ZDHHC20: variants seen among roughly 807,000 people sequenced by gnomAD.
ZDHHC20 encodes zDHHC palmitoyltransferase 20.
Under a neutral mutation model 57.8 loss-of-function variants are expected in ZDHHC20, and 43 were observed. The ratio of observed to expected loss-of-function variants is 0.74; its 90% CI spans 0.58 to 0.96. The LOEUF (loss-of-function observed/expected upper bound fraction) is 0.96, where lower values mean the gene tolerates loss of function less well. ZDHHC20 is among the 40% of genes least tolerant of loss of function. The probability of loss-of-function intolerance (pLI) is 0.00; values close to 1 mark genes in which losing one functional copy is unlikely to be tolerated. For synonymous variants in ZDHHC20, 157 were observed against 153.0 expected (o/e 1.03, Z -0.19); for missense variants, 391 against 441.1 (o/e 0.89, Z 1.02).
intron 7 of ZDHHC20, among the ~76,000 whole-genome samples, chr13:21,395,708 G>A (rs1876671101): frequency 6.6e-6 from 1 of 151,108 alleles, no homozygotes; most frequent in Non-Finnish European, 1.5e-5. Context: ...ACCATTGTTG[G>A]CCAGAATGGT....
At chr13:21,419,827 G>C (rs1880437688) in intron 3 of ZDHHC20, among the ~76,000 whole-genome samples, 1 of 152,098 alleles carries the variant, frequency 6.6e-6, no homozygotes, top group African/African-American at 2.4e-5. Context: ...CATACTTTTT[G>C]TATATATGTT....
At chr13:21,455,647 T>C (rs1228259998) in intron 1 of ZDHHC20, among the ~76,000 whole-genome samples, 4 of 128,034 alleles carry the variant, frequency 3.1e-5, no homozygotes, top group Admixed American at 1.5e-4. Context: ...TGTGTGTGTG[T>C]GTGTGTGTGT....
chr13:21,386,279 T>C (rs937847883), intron 9 of ZDHHC20, among the ~76,000 whole-genome samples: 2 of 152,058 alleles, frequency 1.3e-5, no homozygotes, highest in African/African-American at 2.4e-5. Flanking sequence ...CTCACAGTAA[T>C]AGGGGGAAGG....
chr13:21,448,651 T>C, intron 1 of ZDHHC20, among the ~76,000 whole-genome samples: 1 of 98,554 alleles, frequency 1.0e-5, no homozygotes, highest in South Asian at 3.0e-4. Context: ...GGGGCGCCTC[T>C]GCCCGGCTGC....
chr13:21,395,346 GTA>G (rs1876592107), intron 7 of ZDHHC20, among the ~76,000 whole-genome samples: 1 of 150,506 alleles, frequency 6.6e-6, no homozygotes, highest in Non-Finnish European at 1.5e-5. Context: ...GATTACAGGT[GTA>G]AGCCACCGCG....
intron 1 of ZDHHC20, among the ~76,000 whole-genome samples, chr13:21,428,603 G>A (rs113154943): frequency 0.025 from 3,770 of 151,692 alleles, 143 homozygotes; most frequent in African/African-American, 0.082. Context: ...GCTCATGCCC[G>A]TAATCTCAGC....
chr13:21,401,618 C>T, intron 6 of ZDHHC20, 35 bp downstream of exon 6: 2 of 1,525,944 alleles, frequency 1.3e-6, no homozygotes, highest in Non-Finnish European at 1.8e-6. Flanking sequence ...TCTCTCTCAC[C>T]ACCAATGCAA....
intron 3 of ZDHHC20, among the ~76,000 whole-genome samples, chr13:21,414,544 TGTA>T (rs1469802723): frequency 1.3e-4 from 19 of 145,364 alleles, no homozygotes; most frequent in East Asian, 2.0e-4. Flanking sequence ...TTTTTTTTTT[TGTA>T]TTTTTAGTAG....
intron 4 of ZDHHC20, among the ~76,000 whole-genome samples, chr13:21,412,120 G>A (rs1879298458): frequency 6.6e-6 from 1 of 152,154 alleles, no homozygotes; most frequent in African/African-American, 2.4e-5. Flanking sequence ...CAACAGGAAG[G>A]GTGCTGCATC....
At chr13:21,381,579 C>G (rs750949886) in intron 10 of ZDHHC20, 30 bp from the exon 11 acceptor site, 1 of 1,434,116 alleles carries the variant, frequency 7.0e-7, no homozygotes, top group Non-Finnish European at 9.8e-7. Flanking sequence ...ACTTAGTAAA[C>G]AGCTTAATGC....
intron 7 of ZDHHC20, among the ~76,000 whole-genome samples, chr13:21,398,020 T>C (rs890703113): frequency 1.3e-5 from 2 of 152,200 alleles, no homozygotes; most frequent in Non-Finnish European, 2.9e-5. Flanking sequence ...ACTATTTATT[T>C]TAATCATTAC....
At chr13:21,453,241 A>G (rs931008403) in intron 1 of ZDHHC20, among the ~76,000 whole-genome samples, 1 of 152,248 alleles carries the variant, frequency 6.6e-6, no homozygotes, top group Non-Finnish European at 1.5e-5. Context: ...CATAATGTTA[A>G]GTGAGCCAAC....
chr13:21,425,352 A>C (rs114641490), intron 2 of ZDHHC20, among the ~76,000 whole-genome samples: 1 of 152,198 alleles, frequency 6.6e-6, no homozygotes, highest in South Asian at 2.1e-4. Context: ...CTAAATAAAA[A>C]GTTTTGAAGA....
chr13:21,441,549 C>CTTT (rs397851910), intron 1 of ZDHHC20, among the ~76,000 whole-genome samples: 3 of 65,342 alleles, frequency 4.6e-5, no homozygotes, highest in African/African-American at 6.8e-5. Flanking sequence ...CCACGCCCGG[C>CTTT]TTTTTTTTTT....
intron 8 of ZDHHC20, among the ~76,000 whole-genome samples, chr13:21,388,827 A>C (rs930446461): frequency 6.6e-6 from 1 of 152,182 alleles, no homozygotes; most frequent in African/African-American, 2.4e-5. Context: ...CAGAGCCATG[A>C]ATTAGCAAAG....
At chr13:21,417,136 T>C (rs906717926) in intron 3 of ZDHHC20, among the ~76,000 whole-genome samples, 3 of 152,184 alleles carry the variant, frequency 2.0e-5, no homozygotes, top group African/African-American at 4.8e-5. Context: ...GAGATACTTA[T>C]AAAGGTCTCA....
chr13:21,397,068 T>C (rs1876907528), intron 7 of ZDHHC20, among the ~76,000 whole-genome samples: 1 of 152,196 alleles, frequency 6.6e-6, no homozygotes, highest in South Asian at 2.1e-4. Flanking sequence ...ATTGATCTTT[T>C]CTTTTATGGT....
rs74949409 is a variant in ZDHHC20, at chr13:21,429,027, T to C, written c.119-3349A>G. ...CTCATTTAGAGACAACATTAATTTA[T>C]GGTTCTTTGTGAACATGAGGGCTGG... On this transcript the variant is annotated intron_variant, in intron 1 of 12. Transcript: ENST00000400590. Among the ~76,000 whole-genome samples the C allele has an allele frequency of 6.7e-3, 1,015 of 152,348 alleles. 15 individuals are homozygous for C. Among genetic ancestry groups the C allele is most frequent in the African/African-American group, 0.023 (942 of 41,582 alleles).
intron 1 of ZDHHC20, among the ~76,000 whole-genome samples, chr13:21,441,215 T>C (rs1347386946): frequency 2.6e-5 from 4 of 152,242 alleles, no homozygotes; most frequent in African/African-American, 4.8e-5. Context: ...AATTATTCTG[T>C]CTATGAACGT....
Sources: allele counts gnomAD v4.1 joint callset (sites outside exome capture counted in the v4.1 genomes callset), GRCh38; gene constraint gnomAD v4.1.1; transcripts MANE v1.5; gene names NCBI Gene and HGNC (gene_info 2026-07-23, HGNC 2026-07-21).